MAN1A2: variants seen among roughly 807,000 people sequenced by gnomAD.
The protein encoded by MAN1A2 is mannosidase alpha class 1A member 2.
In MAN1A2, 26 loss-of-function variants were observed where a neutral mutation model predicts 75.7. The ratio of observed to expected loss-of-function variants is 0.34; its 90% confidence interval spans 0.25 to 0.48. The LOEUF (loss-of-function observed/expected upper bound fraction) is 0.48. MAN1A2 is among the 20% of genes least tolerant of loss of function. The pLI is 0.99. For synonymous variants in MAN1A2, 247 were observed against 264.6 expected (o/e 0.93, Z 0.65); for missense variants, 562 against 775.5 (o/e 0.72, Z 3.27).
chr1:117,479,536 A>G lies in MAN1A2; in HGVS notation c.1168+13109A>G, dbSNP rs144235284. 7.8e-3 allele frequency among the ~76,000 whole-genome samples: 1,191 copies of G among 152,026 alleles called. 11 individuals are homozygous for G. Among genetic ancestry groups the G allele is most frequent in the African/African-American group, 0.027 (1,120 of 41,516 alleles). The stretch of plus-strand genomic sequence containing the variant: ...AGGAATCAGCACACTGTCTTCCACA[A>G]TGGTTGAAATAATTTACACTCCCAC... On this transcript the variant is annotated intron_variant, in intron 8 of 12. Coordinates refer to ENST00000356554, the MANE Select transcript of MAN1A2 (RefSeq NM_006699.5).
At position 117,489,937 on chromosome 1, in the gene MAN1A2, C is replaced by CT. The variant is rs920448991; in HGVS notation, c.1169-3197dup. On this transcript the variant is annotated intron_variant, in intron 8 of 12. Transcript: ENST00000356554. ...GTGAATGAGGGTTATAAGAAATGTA[C>CT]TTTTTTTTTTTTTAATGCAGAGAGG... Among the ~76,000 whole-genome samples the CT allele has an allele frequency of 1.0e-2, 1,420 of 142,566 alleles. 12 individuals are homozygous for CT. The highest frequency in any genetic ancestry group is 0.029 in the African/African-American group (1,118 of 39,016). 93.5% of individuals were successfully genotyped at this position (142,566 alleles called of 152,430 possible). A position where few individuals can be genotyped will look rare whatever the true frequency, so the allele number is the denominator to read the frequency against.
At chr1:117,413,180 A>G (rs1363872001) in intron 3 of MAN1A2, among the ~76,000 whole-genome samples, 1 of 151,968 alleles carries the variant, frequency 6.6e-6, no homozygotes. Flanking sequence ...GATAATATCA[A>G]CATGAAGGGA....
At chr1:117,518,670 C>G (rs1386313252) in intron 12 of MAN1A2, among the ~76,000 whole-genome samples, 2 of 151,934 alleles carry the variant, frequency 1.3e-5, no homozygotes, top group Non-Finnish European at 2.9e-5. Context: ...AACACTGGAG[C>G]TCCCAAATTT....
chr1:117,477,572 C>T (rs769224848), intron 8 of MAN1A2, among the ~76,000 whole-genome samples: 8 of 151,688 alleles, frequency 5.3e-5, no homozygotes, highest in East Asian at 1.9e-4. Context: ...AAAAGGCCTT[C>T]GACAAAATTC....
intron 4 of MAN1A2, among the ~76,000 whole-genome samples, chr1:117,416,530 T>TTG (rs1647998458): frequency 6.6e-6 from 1 of 152,194 alleles, no homozygotes. Flanking sequence ...AATAATTCCC[T>TTG]TGTATATCAT....
At position 117,496,925 on chromosome 1, in the gene MAN1A2, T is replaced by C; in HGVS notation, c.1447T>C (p.Tyr483His). The C allele has an allele frequency of 6.2e-7, 1 of 1,612,606 alleles. No individual in the cohort carries two copies. The highest frequency in any genetic ancestry group is 8.5e-7 in the Non-Finnish European group (1 of 1,179,142). ...TTCCAGAGCAGATAAAGCTGGTCAT[T>C]ATTTAGAGCTAGGGGCAGAAATTGC... is the stretch of plus-strand genomic sequence containing the variant. ...DGSRADKAGH[Y>H]LELGAEIART... The change falls in exon 10 of 13, where the codon TAT becomes CAT. Residue 483 changes from tyrosine (Y) to histidine (H), a missense_variant. By Grantham distance (83) the Tyr-to-His change is moderately conservative. Around this residue, in one of 2 missense-constraint regions of MAN1A2, gnomAD observed 434 missense variants for 645.7 expected, o/e 0.67. Coordinates refer to ENST00000356554, the MANE Select transcript of MAN1A2 (RefSeq NM_006699.5).
chr1:117,477,354 A>G (rs1263291006), intron 8 of MAN1A2, among the ~76,000 whole-genome samples: 1 of 152,052 alleles, frequency 6.6e-6, no homozygotes, highest in East Asian at 1.9e-4. Flanking sequence ...TTCCAGGCCA[A>G]TATCCCTGAT....
intron 1 of MAN1A2, among the ~76,000 whole-genome samples, chr1:117,380,336 T>A (rs1474232099): frequency 6.6e-6 from 1 of 152,170 alleles, no homozygotes; most frequent in African/African-American, 2.4e-5. Flanking sequence ...GGTGGTTATG[T>A]CCTTTGCACA....
intron 6 of MAN1A2, among the ~76,000 whole-genome samples, chr1:117,449,771 T>C (rs1236526139): frequency 2.0e-5 from 3 of 152,108 alleles, no homozygotes; most frequent in African/African-American, 7.2e-5. Flanking sequence ...TGGAGAAAGT[T>C]TGAGTGGTCT....
chr1:117,394,916 A>C (rs1653859691), intron 1 of MAN1A2, among the ~76,000 whole-genome samples: 1 of 152,166 alleles, frequency 6.6e-6, no homozygotes, highest in African/African-American at 2.4e-5. Flanking sequence ...TTTGTAAGTA[A>C]AGGTTAAAGC....
chr1:117,453,582 A>T (rs1298199614), intron 6 of MAN1A2, among the ~76,000 whole-genome samples: 1 of 152,200 alleles, frequency 6.6e-6, no homozygotes, highest in Non-Finnish European at 1.5e-5. Flanking sequence ...TTATGATAAG[A>T]CTTGAATGGA....
At chr1:117,489,635 GCTATCCATTTTTCCTTTATGA>G (rs1180948935) in intron 8 of MAN1A2, among the ~76,000 whole-genome samples, 1 of 151,940 alleles carries the variant, frequency 6.6e-6, no homozygotes, top group East Asian at 1.9e-4. Flanking sequence ...AACGTACGAA[GCTATCCATTTTTCCTTTATGA>G]CTCCTTCATT....
chr1:117,427,619 TC>T (rs1339401150), intron 5 of MAN1A2, among the ~76,000 whole-genome samples: 1 of 152,190 alleles, frequency 6.6e-6, no homozygotes. Context: ...GACCTGAATT[TC>T]AAGAAGCTAA....
chr1:117,496,793 C>T lies in MAN1A2; in HGVS notation c.1315C>T (p.Arg439Cys), dbSNP rs149590977. The T allele has an allele frequency of 1.1e-5, 18 of 1,611,782 alleles. No individual in the cohort carries two copies. Among genetic ancestry groups the T allele is most frequent in the South Asian group, 9.9e-5 (9 of 90,968 alleles). ...AIEKHLIKKS[R>C]GGLTFIGEWK... ...AGAAAAACATCTTATTAAGAAGTCTCGTGGAGGTCTTACCTTTATTGGAGA... is the reference window on the plus strand; with the variant it reads ...AGAAAAACATCTTATTAAGAAGTCTTGTGGAGGTCTTACCTTTATTGGAGA... The change falls in exon 10 of 13, where the codon CGT (arginine) becomes TGT (cysteine). Residue 439 changes from arginine (R) to cysteine (C), a missense_variant. By Grantham distance (180) the Arg-to-Cys change is radical. This residue lies in a region of MAN1A2 where 434 missense variants were observed against 645.7 expected (regional missense o/e 0.67). Transcript: ENST00000356554.
At chr1:117,379,238 G>GT (rs575867897) in intron 1 of MAN1A2, among the ~76,000 whole-genome samples, 2 of 151,350 alleles carry the variant, frequency 1.3e-5, no homozygotes, top group African/African-American at 2.4e-5. Flanking sequence ...TGAAGAGTCT[G>GT]TTTTTTTCTC....
intron 1 of MAN1A2, among the ~76,000 whole-genome samples, chr1:117,388,928 A>G (rs1653629607): frequency 6.6e-6 from 1 of 152,150 alleles, no homozygotes; most frequent in Non-Finnish European, 1.5e-5. Flanking sequence ...TTTGCTTTGT[A>G]CTGATGGTGA....
At chr1:117,481,212 T>TTCTCATAGCCAGTAGGTTCCTC in intron 8 of MAN1A2, among the ~76,000 whole-genome samples, 1 of 152,004 alleles carries the variant, frequency 6.6e-6, no homozygotes, top group African/African-American at 2.4e-5. Context: ...CTTGGTTCCT[T>TTCTCATAGCCAGTAGGTTCCTC]TCTCATAGCC....
intron 7 of MAN1A2, among the ~76,000 whole-genome samples, chr1:117,463,497 A>C (rs1649889198): frequency 7.9e-6 from 1 of 126,322 alleles, no homozygotes; most frequent in African/African-American, 3.0e-5. Flanking sequence ...AATTGTATCC[A>C]AGAAGGGAGA....
chr1:117,390,567 G>A (rs547903626), intron 1 of MAN1A2, among the ~76,000 whole-genome samples: 2 of 151,354 alleles, frequency 1.3e-5, no homozygotes, highest in East Asian at 3.9e-4. Context: ...ACTAGCTTTT[G>A]GATGTATTGG....
Sources: allele counts gnomAD v4.1 joint callset (sites outside exome capture counted in the v4.1 genomes callset), GRCh38; gene constraint gnomAD v4.1.1; regional missense constraint gnomAD v4.1.1; transcripts MANE v1.5; gene names NCBI Gene and HGNC (gene_info 2026-07-23, HGNC 2026-07-21).